TMEM98: variants seen among roughly 807,000 people sequenced by gnomAD.
TMEM98 encodes the protein transmembrane protein 98.
In TMEM98, 18 loss-of-function variants were observed where a neutral mutation model predicts 25.0. The ratio of observed to expected loss-of-function variants is 0.72; its 90% CI spans 0.50 to 1.07. TMEM98 has a LOEUF of 1.07. Ranked by LOEUF, TMEM98 falls within the 50% of genes least tolerant of loss-of-function variation. The pLI, the probability that TMEM98 is intolerant of heterozygous loss-of-function variation, is 0.00. For missense variants in TMEM98, 241 were observed against 289.0 expected (o/e 0.83, Z 1.20); for synonymous variants, 103 against 112.4 (o/e 0.92, Z 0.53).
chr17:32,930,043 G>C (rs1004308408), intron 1 of TMEM98, among the ~76,000 whole-genome samples: 1 of 152,004 alleles, frequency 6.6e-6, no homozygotes. Flanking sequence ...GACCGAGAGC[G>C]TTTGGACCCT....
intron 6 of TMEM98, among the ~76,000 whole-genome samples, chr17:32,938,328 A>G (rs2151114140): frequency 6.6e-6 from 1 of 152,306 alleles, no homozygotes; most frequent in Admixed American, 6.5e-5. Flanking sequence ...GCTCCAGGGC[A>G]CTAGAGAAAG....
At chr17:32,929,092 C>T (rs1201554028) in intron 1 of TMEM98, among the ~76,000 whole-genome samples, 2 of 151,550 alleles carry the variant, frequency 1.3e-5, no homozygotes, top group African/African-American at 4.9e-5. Flanking sequence ...ACACAATCAG[C>T]TCACACCCAC....
intron 6 of TMEM98, among the ~76,000 whole-genome samples, chr17:32,936,686 G>A (rs536390021): frequency 2.0e-5 from 3 of 152,230 alleles, no homozygotes; most frequent in South Asian, 2.1e-4. Context: ...TTGGGGAAGC[G>A]CCAGCAGGTG....
chr17:32,928,496 C>T (rs867037022), intron 1 of TMEM98, among the ~76,000 whole-genome samples: 1 of 151,136 alleles, frequency 6.6e-6, no homozygotes, highest in Admixed American at 6.6e-5. Context: ...TGGACGAGCA[C>T]GGGGAAGCGG....
At chr17:32,929,142 C>G (rs577261117) in intron 1 of TMEM98, among the ~76,000 whole-genome samples, 66 of 151,946 alleles carry the variant, frequency 4.3e-4, no homozygotes, top group African/African-American at 1.6e-3. Context: ...CAAGCACATT[C>G]AGAAAACACT....
chr17:32,939,593 T>C (rs1319804340), intron 7 of TMEM98, 57 bp downstream of exon 7: 9 of 1,603,264 alleles, frequency 5.6e-6, no homozygotes, highest in Non-Finnish European at 7.7e-6. Context: ...ACAACCGTTT[T>C]ATCAGATCTG....
In TMEM98 at chr17:32,928,876, A is replaced by G. The variant is rs2091448281; in HGVS notation, c.-131+639A>G. On this transcript the variant is annotated intron_variant, in intron 1 of 7. Coordinates refer to ENST00000579849, the MANE Select transcript of TMEM98 (RefSeq NM_015544.3). ...ACACTCAGAAACATTCAGTTCACAC[A>G]CACTCAGAAACACACGCACTCAGAG... 2.0e-5 allele frequency among the ~76,000 whole-genome samples: 3 copies of G among 147,554 alleles called. No individual in the cohort carries two copies. The South Asian group carries it at 6.4e-4, about 31-fold the overall frequency.
At chr17:32,937,357 G>T (rs557972487) in intron 6 of TMEM98, among the ~76,000 whole-genome samples, 3 of 152,172 alleles carry the variant, frequency 2.0e-5, no homozygotes, top group Non-Finnish European at 4.4e-5. Flanking sequence ...GAGTTGCCAC[G>T]TGAGTTCCTC....
In TMEM98 at chr17:32,934,281, G is replaced by A. The variant is rs1433055227; in HGVS notation, c.264-10G>A. ...AGATGAGCACTGATGACTTCTTCTTGTTTCCCCAGGGGTCTCATGTCCCAC... is the reference window on the plus strand; with the variant it reads ...AGATGAGCACTGATGACTTCTTCTTATTTCCCCAGGGGTCTCATGTCCCAC... On this transcript the variant is annotated splice_polypyrimidine_tract_variant and intron_variant, in intron 4 of 7. Transcript: ENST00000579849. 1.2e-6 allele frequency: 2 copies of A among 1,614,068 alleles called. No individual in the cohort carries two copies. The highest frequency in any genetic ancestry group is 4.5e-5 in the East Asian group (2 of 44,856).
chr17:32,934,405 A>G, intron 5 of TMEM98, 81 bp downstream of exon 5: 2 of 1,533,078 alleles, frequency 1.3e-6, no homozygotes, highest in Non-Finnish European at 1.8e-6. Flanking sequence ...ACGGGACCTT[A>G]GAAAGGGCAC....
At chr17:32,931,271 A>G (rs1272959863) in intron 1 of TMEM98, 56 bp from the exon 2 acceptor site, 1 of 405,182 alleles carries the variant, frequency 2.5e-6, no homozygotes, top group East Asian at 4.4e-5. Flanking sequence ...AATTCTTCTG[A>G]GAAAGGAAAA....
At chr17:32,937,462 T>G (rs29004) in intron 6 of TMEM98, among the ~76,000 whole-genome samples, 2 of 152,136 alleles carry the variant, frequency 1.3e-5, no homozygotes, top group Non-Finnish European at 2.9e-5. Context: ...GGGACTCAGC[T>G]GAGAACAGTT....
rs1464976971 is a variant in TMEM98 at position 32,941,088 on chromosome 17, C to A, written c.*95C>A. The A allele has an allele frequency of 1.8e-6, 2 of 1,123,324 alleles. No homozygotes were observed. The highest frequency in any genetic ancestry group is 1.6e-5 in the African/African-American group (1 of 63,560). The allele number at this position is 1,123,324 out of a possible 1,614,324, so 69.6% of individuals were successfully genotyped here. A position where few individuals can be genotyped will look rare whatever the true frequency, so the allele number is the denominator to read the frequency against. On this transcript the variant is annotated 3_prime_UTR_variant, in exon 8 of 8. Coordinates refer to ENST00000579849, the MANE Select transcript of TMEM98 (RefSeq NM_015544.3). ...ACTTTTTCCTATAGAGTTAGTTGTT[C>A]TCCACGGCTGGAGAGTTCAGCTGTG...
intron 3 of TMEM98, among the ~76,000 whole-genome samples, chr17:32,932,848 A>G (rs542355315): frequency 7.2e-5 from 11 of 152,330 alleles, no homozygotes; most frequent in Middle Eastern, 3.4e-3. Flanking sequence ...TTATAGAAGG[A>G]TATAATTTTG....
At position 32,943,716 on chromosome 17, in the gene TMEM98, A is replaced by T. The variant is rs2091542266; in HGVS notation, c.*2723A>T. The T allele has an allele frequency of 6.6e-6, 1 of 152,166 alleles. No individual in the cohort carries two copies. The highest frequency in any genetic ancestry group is 1.5e-5 in the Non-Finnish European group (1 of 68,048). The allele number at this position is 152,166 out of a possible 1,614,324, so 9.4% of individuals were successfully genotyped here. ...CATCTGTATGGTCAAGGCTATTGTC[A>T]TTGGGTTGGTATGTCAACAAGCAAA... is the stretch of plus-strand genomic sequence containing the variant. On this transcript the variant is annotated 3_prime_UTR_variant, in exon 8 of 8. Transcript: ENST00000579849.
intron 6 of TMEM98, 117 bp downstream of exon 6, chr17:32,936,564 A>C: frequency 1.2e-6 from 1 of 827,202 alleles, no homozygotes; most frequent in Non-Finnish European, 1.9e-6. Flanking sequence ...AACTTCAGCT[A>C]TTTGTTTCCC....
chr17:32,936,312 T>A lies in TMEM98; in HGVS notation c.298-20T>A, dbSNP rs1291501946. ...GTGGAGCCAGGTCAGCCCTCATCTCTCTCCTCCCTGCCGCATTAGATTTGT... is the reference window on the plus strand; with the variant it reads ...GTGGAGCCAGGTCAGCCCTCATCTCACTCCTCCCTGCCGCATTAGATTTGT... On this transcript the variant is annotated intron_variant, in intron 5 of 7. Transcript: ENST00000579849. The A allele has an allele frequency of 1.2e-6, 2 of 1,607,464 alleles. No individual in the cohort carries two copies.
At position 32,934,315 on chromosome 17, in the gene TMEM98, C is replaced by T; in HGVS notation, c.288C>T (p.Ala96=). The T allele has an allele frequency of 1.2e-6, 2 of 1,614,108 alleles. No individual in the cohort carries two copies. The highest frequency in any genetic ancestry group is 1.7e-6 in the Non-Finnish European group (2 of 1,180,016). The change falls in exon 5 of 8, where the codon GCC becomes GCT. Residue 96 remains alanine (A), a synonymous_variant. Transcript: ENST00000579849. The part of the protein sequence containing the change: ...DASGLMSHCI[A]ILKICHTLTE... ...GGGGTCTCATGTCCCACTGCATTGCCATCTTGAAGGTAACCCTCTCTTATT... is the reference window on the plus strand; with the variant it reads ...GGGGTCTCATGTCCCACTGCATTGCTATCTTGAAGGTAACCCTCTCTTATT...
At chr17:32,928,510 G>C (rs907753986) in intron 1 of TMEM98, among the ~76,000 whole-genome samples, 2 of 151,736 alleles carry the variant, frequency 1.3e-5, no homozygotes, top group Non-Finnish European at 2.9e-5. Flanking sequence ...GAAGCGGGTA[G>C]GGTCTTGGGT....
Sources: allele counts gnomAD v4.1 joint callset (sites outside exome capture counted in the v4.1 genomes callset), GRCh38; gene constraint gnomAD v4.1.1; transcripts MANE v1.5; gene names NCBI Gene and HGNC (gene_info 2026-07-23, HGNC 2026-07-21).